The following CD79B variants were observed in gnomAD, a reference collection of about 807,000 sequenced individuals.
CD79B encodes B-cell antigen receptor complex-associated protein beta chain.
A neutral mutation model predicts 30.0 loss-of-function variants in CD79B; 7 were observed. That is an observed-to-expected ratio of 0.23 (90% CI 0.13 to 0.44). The LOEUF is 0.44. Among genes scored for constraint, CD79B ranks in the 20% least tolerant of loss-of-function variants. The pLI is 1.00. For synonymous variants in CD79B, 118 were observed against 119.2 expected (o/e 0.99, Z 0.07); for missense variants, 218 against 299.1 (o/e 0.73, Z 2.00).
In CD79B at chr17:63,929,341, G is replaced by A; in HGVS notation, c.592-17C>T. 1 of 1,611,432 alleles carries A rather than the reference G, an allele frequency of 6.2e-7. No homozygotes were observed. The highest frequency in any genetic ancestry group is 8.5e-7 in the Non-Finnish European group (1 of 1,177,552). The stretch of plus-strand genomic sequence containing the variant: ...GTCCAGGCCCTGGAGACATTAAGTG[G>A]AACTCAGGCCGGGACCACACCCCAA... On this transcript the variant is annotated splice_polypyrimidine_tract_variant and intron_variant, in intron 5 of 5. Coordinates refer to ENST00000006750, the MANE Select transcript of CD79B (RefSeq NM_000626.4).
At chr17:63,931,305 C>T in intron 2 of CD79B, 30 bp downstream of exon 2, 1 of 1,610,660 alleles carries the variant, frequency 6.2e-7, no homozygotes, top group Middle Eastern at 1.7e-4. Context: ...ACACAACTTG[C>T]CCTCAGAAGC....
rs1290989439 is a variant in CD79B at position 63,929,468 on chromosome 17, C to G, written c.557G>C (p.Ser186Thr). 1 of 1,613,874 alleles carries G rather than the reference C, an allele frequency of 6.2e-7. No individual in the cohort carries two copies. The highest frequency in any genetic ancestry group is 1.1e-5 in the South Asian group (1 of 91,086). Residue 186 changes from serine (S) to threonine (T), a missense_variant, in exon 5 of 6, where the codon AGC becomes ACC. Ser to Thr is a moderately conservative substitution (Grantham distance 58). Transcript: ENST00000006750. ...GTGATCTTCCTCCATGCCAGCCTTGCTGTCATCCTGGGGGCGGAGAGGGAT... is the reference window on the plus strand; with the variant it reads ...GTGATCTTCCTCCATGCCAGCCTTGGTGTCATCCTGGGGGCGGAGAGGGAT... ...PIFLLLDKDD[S>T]KAGMEEDHTY...
rs749042260 is a variant in CD79B at position 63,930,096 on chromosome 17, G to A, written c.408C>T (p.Cys136=). 1.1e-5 allele frequency: 17 copies of A among 1,613,824 alleles called. No individual in the cohort carries two copies. The highest frequency in any genetic ancestry group is 6.7e-5 in the African/African-American group (5 of 74,914). ...CACCCATGACTCGCAGCTCTGTGCC[G>A]CAGCCCTGGTAGACCTCCGAGGTGT... ...CNNTSEVYQG[C]GTELRVMGFS... Residue 136 remains cysteine (C), a synonymous_variant, in exon 3 of 6, where the codon TGC becomes TGT. Transcript: ENST00000006750.
At chr17:63,931,252 G>A (rs999666151) in intron 2 of CD79B, 83 bp downstream of exon 2, 41 of 1,421,206 alleles carry the variant, frequency 2.9e-5, no homozygotes, top group Admixed American at 1.5e-4. Flanking sequence ...AAGGCGGACC[G>A]CCCCCAGGAC....
At position 63,930,250 on chromosome 17, in the gene CD79B, T is replaced by C; in HGVS notation, c.254A>G (p.Asn85Ser). 6.2e-7 allele frequency: 1 copy of C among 1,614,196 alleles called. No homozygotes were observed. The highest frequency in any genetic ancestry group is 8.5e-7 in the Non-Finnish European group (1 of 1,180,026). Residue 85 changes from asparagine (N) to serine (S), a missense_variant, in exon 3 of 6, where the codon AAT becomes AGT. Coordinates refer to ENST00000006750, the MANE Select transcript of CD79B (RefSeq NM_000626.4). ...CTTTTCCAGCTTCAGCTGCTGGGGA[T>C]TCTCGTCCATCTCCTGCTTCCAGAG... Reference protein sequence around the residue: ...SWLWKQEMDENPQQLKLEKGR... With the variant: ...SWLWKQEMDESPQQLKLEKGR...
intron 1 of CD79B, chr17:63,931,919 C>A: frequency 1.9e-6 from 1 of 531,394 alleles, no homozygotes; most frequent in Non-Finnish European, 3.4e-6. Context: ...GAGCCTAGTT[C>A]TTCCACGGTC....
chr17:63,929,237 C>G lies in CD79B; in HGVS notation c.679G>C (p.Gly227Arg). 6.2e-7 allele frequency: 1 copy of G among 1,612,290 alleles called. No individual in the cohort carries two copies. The highest frequency in any genetic ancestry group is 8.5e-7 in the Non-Finnish European group (1 of 1,178,356). ...GGGCGACCTGGCTCTCACTCCTGGC[C>G]TGGGTGCTCACCTACAGACCACTTC... is the stretch of plus-strand genomic sequence containing the variant. ...EVKWSVGEHP[G>R]QE The change falls in exon 6 of 6, where the codon GGC becomes CGC. Residue 227 changes from glycine (G) to arginine (R), a missense_variant. Physicochemically the swap from Gly to Arg is moderately radical, Grantham distance 125. Transcript: ENST00000006750.
rs780720849 is a variant in CD79B, at chr17:63,931,354, GTCC to G, written c.96_98del (p.Glu32del). On this transcript the variant is annotated inframe_deletion, in exon 2 of 6. Coordinates refer to ENST00000006750, the MANE Select transcript of CD79B (RefSeq NM_000626.4). ...ACTGACCTTTGGGATTCCGGTACCGGTCCTCCGATCTGGCTGCTGGTACTGGCT... is the reference window on the plus strand; with the variant it reads ...ACTGACCTTTGGGATTCCGGTACCGGTCCGATCTGGCTGCTGGTACTGGCT... The G allele has an allele frequency of 3.7e-6, 6 of 1,613,942 alleles. No individual in the cohort carries two copies. In the African/African-American group the frequency reaches 8.0e-5, roughly 22 times the overall value.
At chr17:63,929,740 C>T (rs1272997898) in intron 4 of CD79B, 30 bp downstream of exon 4, 1 of 1,513,268 alleles carries the variant, frequency 6.6e-7, no homozygotes, top group South Asian at 1.1e-5. Flanking sequence ...CCTCTGCGGT[C>T]CCCCAAGGCT....
In CD79B at chr17:63,928,858, T is replaced by A. The variant is rs1380010096; in HGVS notation, c.*368A>T. 7.4e-6 allele frequency: 3 copies of A among 406,832 alleles called. No homozygotes were observed. Among genetic ancestry groups the A allele is most frequent in the African/African-American group, 2.0e-5 (1 of 50,558 alleles). 25.2% of individuals were successfully genotyped at this position (406,832 alleles called of 1,614,324 possible). A position where few individuals can be genotyped will look rare whatever the true frequency, so the allele number is the denominator to read the frequency against. ...TTCCTGTGGCTCTTCTGGGGCCCAG[T>A]TGGGTCCATGGCCCTTCCCAAGCTC... On this transcript the variant is annotated 3_prime_UTR_variant, in exon 6 of 6. Coordinates refer to ENST00000006750, the MANE Select transcript of CD79B (RefSeq NM_000626.4).
At chr17:63,931,723 T>C (rs966659016) in intron 1 of CD79B, among the ~76,000 whole-genome samples, 6 of 150,106 alleles carry the variant, frequency 4.0e-5, no homozygotes, top group South Asian at 2.1e-4. Context: ...CTGGGCAACA[T>C]AGGGACACCC....
intron 2 of CD79B, chr17:63,930,877 T>G: frequency 3.4e-6 from 1 of 293,628 alleles, no homozygotes; most frequent in Non-Finnish European, 6.6e-6. Flanking sequence ...CCCTCTATCA[T>G]CCCCCTCTTC....
intron 3 of CD79B, 83 bp downstream of exon 3, chr17:63,929,991 G>T: frequency 6.4e-7 from 1 of 1,560,098 alleles, no homozygotes; most frequent in Non-Finnish European, 8.8e-7. Context: ...AGTGCTCTAG[G>T]GCCATGACCA....
intron 1 of CD79B, chr17:63,931,741 C>CTTT (rs78942438): frequency 4.6e-5 from 13 of 280,464 alleles, no homozygotes; most frequent in Non-Finnish European, 6.8e-5. Flanking sequence ...CCCTGTCTCT[C>CTTT]TTTTTTTTTT....
chr17:63,930,801 A>G (rs925479119), intron 2 of CD79B, among the ~76,000 whole-genome samples: 2 of 146,206 alleles, frequency 1.4e-5, no homozygotes, highest in Non-Finnish European at 2.9e-5. Context: ...TCCTCCAGGG[A>G]TAAAGGCCAA....
chr17:63,931,741 CTTT>C (rs78942438), intron 1 of CD79B: 3,101 of 279,442 alleles, frequency 0.011, 2 homozygotes, highest in Middle Eastern at 0.015. Flanking sequence ...CCCTGTCTCT[CTTT>C]TTTTTTTTTT....
intron 2 of CD79B, 41 bp from the exon 3 acceptor site, chr17:63,930,426 C>A (rs1395936816): frequency 1.9e-6 from 3 of 1,573,446 alleles, no homozygotes; most frequent in Non-Finnish European, 2.6e-6. Flanking sequence ...CGCTTGGCAT[C>A]TTCCTGAGTG....
chr17:63,930,947 C>A, intron 2 of CD79B: 1 of 341,686 alleles, frequency 2.9e-6, no homozygotes, highest in Non-Finnish European at 5.6e-6. Flanking sequence ...CTTCGACTGC[C>A]TTGTTCTTAG....
chr17:63,930,032 G>A (rs986895801), intron 3 of CD79B, 42 bp downstream of exon 3: 1 of 1,605,132 alleles, frequency 6.2e-7, no homozygotes, highest in Non-Finnish European at 8.5e-7. Flanking sequence ...GGCTAGGGTG[G>A]GGCGGACAGC....
Sources: allele counts gnomAD v4.1 joint callset (sites outside exome capture counted in the v4.1 genomes callset), GRCh38; gene constraint gnomAD v4.1.1; transcripts MANE v1.5; gene names NCBI Gene and HGNC (gene_info 2026-07-23, HGNC 2026-07-21).